Variants in SFXN5 observed in about 807,000 individuals in gnomAD.
SFXN5 encodes the protein sideroflexin-5.
In SFXN5, 43 loss-of-function variants were observed where a neutral mutation model predicts 50.2. That is an observed-to-expected ratio of 0.86 (90% CI 0.67 to 1.11). SFXN5 has a LOEUF of 1.11. SFXN5 is among the 50% of genes least tolerant of loss of function. The probability of loss-of-function intolerance (pLI) is 0.00; values close to 1 mark genes in which losing one functional copy is unlikely to be tolerated. For missense variants in SFXN5, 463 were observed against 454.1 expected (o/e 1.02, Z -0.18); for synonymous variants, 203 against 185.8 (o/e 1.09, Z -0.75).
intron 5 of SFXN5, among the ~76,000 whole-genome samples, chr2:73,021,377 G>A (rs564052212): frequency 3.9e-5 from 6 of 152,290 alleles, no homozygotes; most frequent in Admixed American, 2.6e-4. Context: ...CCAGCTACTC[G>A]GGAGGCTGAG....
intron 3 of SFXN5, among the ~76,000 whole-genome samples, chr2:73,035,623 C>T (rs1046699806): frequency 6.6e-6 from 1 of 151,740 alleles, no homozygotes; most frequent in Non-Finnish European, 1.5e-5. Context: ...TCTCAGCCTC[C>T]TGAGTAGCTG....
chr2:73,057,491 AG>A (rs1458994197), intron 2 of SFXN5, among the ~76,000 whole-genome samples: 4 of 152,220 alleles, frequency 2.6e-5, no homozygotes, highest in Non-Finnish European at 4.4e-5. Context: ...TGCATACTGT[AG>A]GATTCCATTT....
intron 10 of SFXN5, among the ~76,000 whole-genome samples, chr2:72,977,466 C>G (rs1026160247): frequency 6.6e-6 from 1 of 152,022 alleles, no homozygotes; most frequent in African/African-American, 2.4e-5. Context: ...AACTCAATCT[C>G]ACTAATAATC....
chr2:72,998,875 C>T, intron 9 of SFXN5, 74 bp downstream of exon 9: 2 of 1,519,218 alleles, frequency 1.3e-6, no homozygotes, highest in Non-Finnish European at 1.8e-6. Context: ...CTCAGACAAG[C>T]ATCCACCTGC....
At chr2:73,005,104 A>G (rs891503435) in intron 6 of SFXN5, among the ~76,000 whole-genome samples, 2 of 152,082 alleles carry the variant, frequency 1.3e-5, no homozygotes, top group African/African-American at 2.4e-5. Context: ...ACGGGTGGAG[A>G]GCGCCCAGAA....
At chr2:72,997,540 A>C (rs1673392311) in intron 9 of SFXN5, 1 of 152,102 alleles carries the variant, frequency 6.6e-6, no homozygotes, top group Non-Finnish European at 1.5e-5. Flanking sequence ...CAGCTTGCCC[A>C]GCTGAATGGT....
chr2:73,066,660 G>A (rs1172784976), intron 1 of SFXN5, among the ~76,000 whole-genome samples: 1 of 151,886 alleles, frequency 6.6e-6, no homozygotes, highest in East Asian at 1.9e-4. Flanking sequence ...AATAAATTAA[G>A]TGATGGTCAG....
At chr2:72,987,493 C>T (rs1417728182) in intron 10 of SFXN5, among the ~76,000 whole-genome samples, 1 of 152,016 alleles carries the variant, frequency 6.6e-6, no homozygotes, top group Non-Finnish European at 1.5e-5. Context: ...CATGGTGGCT[C>T]ACGTCTGTAA....
intron 1 of SFXN5, chr2:73,059,805 T>C (rs2106040004): frequency 2.0e-6 from 2 of 980,320 alleles, no homozygotes; most frequent in Non-Finnish European, 2.4e-6. Flanking sequence ...CTCACAATGC[T>C]GTCCTGGCAA....
chr2:73,070,371 T>G (rs528684594), intron 1 of SFXN5: 1 of 152,016 alleles, frequency 6.6e-6, no homozygotes, highest in East Asian at 1.9e-4. Flanking sequence ...GTTCCCTAAT[T>G]ATCAGCAAAG....
At chr2:73,003,208 C>T (rs1574085286) in intron 6 of SFXN5, among the ~76,000 whole-genome samples, 1 of 152,102 alleles carries the variant, frequency 6.6e-6, no homozygotes, top group African/African-American at 2.4e-5. Flanking sequence ...TGCCTGACTG[C>T]CTTCTACCAC....
intron 1 of SFXN5, chr2:73,059,660 A>C: frequency 1.1e-6 from 1 of 893,776 alleles, no homozygotes; most frequent in Non-Finnish European, 1.3e-6. Flanking sequence ...CCCTAATGCC[A>C]CCCCTACCCA....
rs190602115 is a variant in SFXN5, at chr2:72,966,577, C to T, written c.827+1871G>A. Among the ~76,000 whole-genome samples the T allele has an allele frequency of 1.5e-3, 228 of 152,320 alleles. 3 individuals are homozygous for T. Among genetic ancestry groups the T allele is most frequent in the South Asian group, 0.012 (59 of 4,824 alleles). ...CATGCTCAGGTACCCCCAGAGCCTC[C>T]GCCCTCTTCTAGGGTGAGAGAGGGC... On this transcript the variant is annotated intron_variant, in intron 12 of 13. Coordinates refer to ENST00000272433, the MANE Select transcript of SFXN5 (RefSeq NM_144579.3).
chr2:72,944,953 G>T lies in SFXN5; in HGVS notation c.*69C>A. On this transcript the variant is annotated 3_prime_UTR_variant, in exon 14 of 14. Transcript: ENST00000272433. ...CGTGCTGCTCCCTGCAGGTGCAGCC[G>T]TGAGTCTACGGCCCTGCCCCTCAGC... 6.8e-7 allele frequency: 1 copy of T among 1,462,364 alleles called. No homozygotes were observed. Among genetic ancestry groups the T allele is most frequent in the Non-Finnish European group, 9.5e-7 (1 of 1,056,770 alleles). The allele number at this position is 1,462,364 out of a possible 1,614,324, so 90.6% of individuals were successfully genotyped here.
intron 2 of SFXN5, among the ~76,000 whole-genome samples, chr2:73,045,710 T>G (rs1373004386): frequency 6.6e-6 from 1 of 151,918 alleles, no homozygotes; most frequent in African/African-American, 2.4e-5. Flanking sequence ...TAGAGTCGCC[T>G]CCAAGCAGTG....
intron 10 of SFXN5, among the ~76,000 whole-genome samples, chr2:72,977,811 C>G (rs964754588): frequency 6.6e-6 from 1 of 151,874 alleles, no homozygotes; most frequent in Non-Finnish European, 1.5e-5. Flanking sequence ...CCCATCTCTA[C>G]TAAAATACAA....
intron 13 of SFXN5, among the ~76,000 whole-genome samples, chr2:72,948,787 C>T (rs558569750): frequency 6.6e-6 from 1 of 152,170 alleles, no homozygotes. Flanking sequence ...GGAGCAGGGG[C>T]CCCAGGACAG....
intron 6 of SFXN5, among the ~76,000 whole-genome samples, chr2:73,007,595 G>C (rs1057338205): frequency 6.6e-6 from 1 of 152,064 alleles, no homozygotes; most frequent in Non-Finnish European, 1.5e-5. Flanking sequence ...GCTTCTATAA[G>C]CTTCAGAGAA....
chr2:73,030,282 A>C (rs1478062298), intron 3 of SFXN5, among the ~76,000 whole-genome samples: 1 of 152,150 alleles, frequency 6.6e-6, no homozygotes, highest in East Asian at 1.9e-4. Flanking sequence ...TATATTTTGG[A>C]GATCTTTCCA....
Sources: allele counts gnomAD v4.1 joint callset (sites outside exome capture counted in the v4.1 genomes callset), GRCh38; gene constraint gnomAD v4.1.1; transcripts MANE v1.5; gene names NCBI Gene and HGNC (gene_info 2026-07-23, HGNC 2026-07-21).